The following ACTC1 variants were observed in gnomAD, a reference collection of about 807,000 sequenced individuals.
ACTC1 encodes the protein actin alpha cardiac muscle 1, also known as actin, alpha cardiac muscle 1.
In ACTC1, 10 loss-of-function variants were observed where a neutral mutation model predicts 31.6. The observed-to-expected ratio is 0.32, with a 90% CI of 0.19 to 0.54. The LOEUF is 0.54. Among genes scored for constraint, ACTC1 ranks in the 20% least tolerant of loss-of-function variants. The pLI is 0.95. For synonymous variants in ACTC1, 196 were observed against 185.0 expected (o/e 1.06, Z -0.48); for missense variants, 129 against 506.4 (o/e 0.25, Z 7.15).
chr15:34,792,247 C>T lies in ACTC1; in HGVS notation c.651G>A (p.Lys217=), dbSNP rs763905846. The T allele has an allele frequency of 6.2e-7, 1 of 1,614,236 alleles. No individual in the cohort carries two copies. ...EREIVRDIKE[K]LCYVALDFEN... Reference sequence around the variant, plus strand: ...CAAAATCCAGGGCGACATAGCACAGCTTCTCTTTAATGTCACGGACAATTT... The same window carrying T: ...CAAAATCCAGGGCGACATAGCACAGTTTCTCTTTAATGTCACGGACAATTT... The change falls in exon 5 of 7, where the codon AAG becomes AAA. Residue 217 remains lysine (K), a synonymous_variant. Coordinates refer to ENST00000290378, the MANE Select transcript of ACTC1 (RefSeq NM_005159.5). The surrounding 1 kb of genome is among the most constrained non-coding windows in gnomAD (Gnocchi z 5.3).
rs780634156 is a variant in ACTC1 at position 34,793,363 on chromosome 15, C to A, written c.336G>T (p.Leu112=). 1.9e-6 allele frequency: 3 copies of A among 1,614,156 alleles called. No individual in the cohort carries two copies. In the Admixed American group the frequency reaches 5.0e-5, roughly 27 times the overall value. ...EHPTLLTEAP[L]NPKANREKMT... ...TCTTCTCCCGGTTGGCCTTGGGGTT[C>A]AGCGGGGCCTCTGTGAGCAGGGTGG... is the stretch of plus-strand genomic sequence containing the variant. The change falls in exon 3 of 7, where the codon CTG becomes CTT. Residue 112 remains leucine (L), a synonymous_variant. Coordinates refer to ENST00000290378, the MANE Select transcript of ACTC1 (RefSeq NM_005159.5). The surrounding 1 kb of genome is among the most constrained non-coding windows in gnomAD (Gnocchi z 4.8).
At chr15:34,791,837 G>A (rs766427605) in intron 5 of ACTC1, 11 of 509,450 alleles carry the variant, frequency 2.2e-5, no homozygotes, top group African/African-American at 7.7e-5. Context: ...CTGCAGATAC[G>A]TGCTATTCAG....
chr15:34,794,483 C>T (rs1891772708), intron 2 of ACTC1, among the ~76,000 whole-genome samples, 197 bp downstream of exon 2: 1 of 152,176 alleles, frequency 6.6e-6, no homozygotes, highest in Admixed American at 6.5e-5. Context: ...TAGAGGCGTG[C>T]CACTCAGGTG....
Position 34,793,935 on chromosome 15 carries a change from T to C in ACTC1, c.130-366A>G, listed in dbSNP as rs1891759624. Among the ~76,000 whole-genome samples, 1 of 152,234 alleles carries C rather than the reference T, an allele frequency of 6.6e-6. No homozygotes were observed. The highest frequency in any genetic ancestry group is 2.4e-5 in the African/African-American group (1 of 41,464). On this transcript the variant is annotated intron_variant, in intron 2 of 6. Coordinates refer to ENST00000290378, the MANE Select transcript of ACTC1 (RefSeq NM_005159.5). This position sits in a 1 kb window ranked among gnomAD's most constrained non-coding sequence, Gnocchi z 4.8. ...CTGCATTTTGGAATGACTGAATTAATGACACATTGTATTTCTCCTAAGAAA... is the reference window on the plus strand; with the variant it reads ...CTGCATTTTGGAATGACTGAATTAACGACACATTGTATTTCTCCTAAGAAA...
rs1270699898 is a variant in ACTC1 at position 34,793,496 on chromosome 15, G to T, written c.203C>A (p.Thr68Asn). 1 of 1,614,102 alleles carries T rather than the reference G, an allele frequency of 6.2e-7. No individual in the cohort carries two copies. The highest frequency in any genetic ancestry group is 8.5e-7 in the Non-Finnish European group (1 of 1,180,024). Residue 68 changes from threonine (T) to asparagine (N), a missense_variant, in exon 3 of 7, where the codon ACC (threonine) becomes AAC (asparagine). Physicochemically the swap from Thr to Asn is moderately conservative, Grantham distance 65 (BLOSUM62 0). Transcript: ENST00000290378. This position sits in a 1 kb window ranked among gnomAD's most constrained non-coding sequence, Gnocchi z 4.8. ...DEAQSKRGIL[T>N]LKYPIEHGII... ...ACCATGCTCGATGGGATACTTCAGG[G>T]TCAGGATGCCTCTCTTGCTCTGGGC... is the stretch of plus-strand genomic sequence containing the variant.
rs1891735338 is a variant in ACTC1 at position 34,792,906 on chromosome 15, G to C, written c.455-337C>G. Reference sequence around the variant, plus strand: ...GAACTTACACGTTTCTCTCTCTTTTGACTCAGACCCTGTATGGAATGTATT... The same window carrying C: ...GAACTTACACGTTTCTCTCTCTTTTCACTCAGACCCTGTATGGAATGTATT... On this transcript the variant is annotated intron_variant, in intron 3 of 6. Coordinates refer to ENST00000290378, the MANE Select transcript of ACTC1 (RefSeq NM_005159.5). This position sits in a 1 kb window ranked among gnomAD's most constrained non-coding sequence, Gnocchi z 5.3. 1 of 506,944 alleles carries C rather than the reference G, an allele frequency of 2.0e-6. No homozygotes were observed. The highest frequency in any genetic ancestry group is 3.6e-6 in the Non-Finnish European group (1 of 280,072). The allele number at this position is 506,944 out of a possible 1,614,324, so 31.4% of individuals were successfully genotyped here.
Position 34,792,707 on chromosome 15 carries a change from C to T in ACTC1, c.455-138G>A. ...GATCCAGATAAAATTAGATTCCTTA[C>T]ACACAAAGAATAAAAATGCGCATCA... On this transcript the variant is annotated intron_variant, in intron 3 of 6. Transcript: ENST00000290378. This position sits in a 1 kb window ranked among gnomAD's most constrained non-coding sequence, Gnocchi z 5.3. The T allele has an allele frequency of 9.0e-6, 8 of 889,118 alleles. No homozygotes were observed. The highest frequency in any genetic ancestry group is 1.3e-5 in the Non-Finnish European group (7 of 551,392). 55.1% of individuals were successfully genotyped at this position (889,118 alleles called of 1,614,324 possible).
At position 34,790,319 on chromosome 15, in the gene ACTC1, G is replaced by C; in HGVS notation, c.*93C>G. 1 of 1,484,530 alleles carries C rather than the reference G, an allele frequency of 6.7e-7. No homozygotes were observed. Among genetic ancestry groups the C allele is most frequent in the Admixed American group, 1.7e-5 (1 of 59,730 alleles). 92.0% of individuals were successfully genotyped at this position (1,484,530 alleles called of 1,614,324 possible). On this transcript the variant is annotated 3_prime_UTR_variant, in exon 7 of 7. Coordinates refer to ENST00000290378, the MANE Select transcript of ACTC1 (RefSeq NM_005159.5). Reference sequence around the variant, plus strand: ...CACGTGTGTAAACAAACTGTACAATGATTGATGAAAGATGAGGGAAGGTGG... The same window carrying C: ...CACGTGTGTAAACAAACTGTACAATCATTGATGAAAGATGAGGGAAGGTGG...
chr15:34,794,581 A>G (rs1368626990), intron 2 of ACTC1, 99 bp downstream of exon 2: 2 of 1,458,300 alleles, frequency 1.4e-6, no homozygotes, highest in Non-Finnish European at 9.1e-7. Context: ...AATTTGGCCT[A>G]AAGAGTTCAT....
At position 34,795,540 on chromosome 15, in the gene ACTC1, A is replaced by G. The variant is rs113178069; in HGVS notation, c.-57T>C. On this transcript the variant is annotated 5_prime_UTR_variant, in exon 1 of 7. Transcript: ENST00000290378. ...GGCGGGTCGGCTCGGCTCCGGCGGC[A>G]GCGGGCTCTGGGTGGCTGGCTCCAG... is the stretch of plus-strand genomic sequence containing the variant. 15,666 of 152,206 alleles carry G rather than the reference A, an allele frequency of 0.1. 933 individuals carry two copies. The highest frequency in any genetic ancestry group is 0.14 in the African/African-American group (5,870 of 41,190). 9.4% of individuals were successfully genotyped at this position (152,206 alleles called of 1,614,324 possible). A position where few individuals can be genotyped will look rare whatever the true frequency, so the allele number is the denominator to read the frequency against.
At position 34,794,656 on chromosome 15, in the gene ACTC1, C is replaced by CG. The variant is rs148433308; in HGVS notation, c.129+23dup. On this transcript the variant is annotated intron_variant, in intron 2 of 6. Transcript: ENST00000290378. ...TGGACTGAAGGGGTCCCGAGTGGGA[C>CG]GGGGGGCTCGGCGGGAAGTTTACCT... is the stretch of plus-strand genomic sequence containing the variant. 4.5e-3 allele frequency: 7,244 copies of CG among 1,607,318 alleles called. 308 individuals carry two copies. In the African/African-American group the frequency reaches 0.085, roughly 19 times the overall value.
chr15:34,792,985 C>T lies in ACTC1; in HGVS notation c.454+260G>A, dbSNP rs1891737675. On this transcript the variant is annotated intron_variant, in intron 3 of 6. Transcript: ENST00000290378. This position sits in a 1 kb window ranked among gnomAD's most constrained non-coding sequence, Gnocchi z 5.3. The stretch of plus-strand genomic sequence containing the variant: ...TGATGGTTTAAACACATAACAATGA[C>T]TGCTGCACTCCAAGCTGCTACACTG... 35 of 558,436 alleles carry T rather than the reference C, an allele frequency of 6.3e-5. No homozygotes were observed. In the South Asian group the frequency reaches 7.4e-4, roughly 12 times the overall value. 34.6% of individuals were successfully genotyped at this position (558,436 alleles called of 1,614,324 possible). A position where few individuals can be genotyped will look rare whatever the true frequency, so the allele number is the denominator to read the frequency against.
chr15:34,794,482 G>A (rs1440131982), intron 2 of ACTC1, among the ~76,000 whole-genome samples, 198 bp downstream of exon 2: 1 of 152,210 alleles, frequency 6.6e-6, no homozygotes, highest in Non-Finnish European at 1.5e-5. Flanking sequence ...TTAGAGGCGT[G>A]CCACTCAGGT....
At position 34,792,965 on chromosome 15, in the gene ACTC1, G is replaced by T. The variant is rs1891736876; in HGVS notation, c.454+280C>A. ...GGATGCTTGCCCAGGTGATGTGATG[G>T]TTTAAACACATAACAATGACTGCTG... On this transcript the variant is annotated intron_variant, in intron 3 of 6. Coordinates refer to ENST00000290378, the MANE Select transcript of ACTC1 (RefSeq NM_005159.5). This position sits in a 1 kb window ranked among gnomAD's most constrained non-coding sequence, Gnocchi z 5.3. The T allele has an allele frequency of 3.7e-6, 2 of 540,272 alleles. No individual in the cohort carries two copies. Among genetic ancestry groups the T allele is most frequent in the Admixed American group, 6.3e-5 (2 of 31,782 alleles). 33.5% of individuals were successfully genotyped at this position (540,272 alleles called of 1,614,324 possible).
At chr15:34,791,375 G>A in intron 5 of ACTC1, 80 bp from the exon 6 acceptor site, 1 of 1,553,434 alleles carries the variant, frequency 6.4e-7, no homozygotes, top group Non-Finnish European at 8.8e-7. Context: ...TCAGGTCAAG[G>A]TAGAGGGAAG....
intron 6 of ACTC1, 70 bp from the exon 7 acceptor site, chr15:34,790,625 G>A: frequency 6.3e-7 from 1 of 1,578,498 alleles, no homozygotes; most frequent in Non-Finnish European, 8.7e-7. Context: ...AACACATTGG[G>A]AGGATTCACA....
Position 34,793,206 on chromosome 15 carries a change from A to C in ACTC1, c.454+39T>G, listed in dbSNP as rs1165070625. The C allele has an allele frequency of 3.1e-6, 5 of 1,596,392 alleles. No homozygotes were observed. In the South Asian group the frequency reaches 5.5e-5, roughly 18 times the overall value. On this transcript the variant is annotated intron_variant, in intron 3 of 6. Coordinates refer to ENST00000290378, the MANE Select transcript of ACTC1 (RefSeq NM_005159.5). The surrounding 1 kb of genome is among the most constrained non-coding windows in gnomAD (Gnocchi z 4.8). Reference sequence around the variant, plus strand: ...TCACAGCAAGGTCGGTGACTTGGGAATGTGATTCATCAGTAACTGTCCCCA... The same window carrying C: ...TCACAGCAAGGTCGGTGACTTGGGACTGTGATTCATCAGTAACTGTCCCCA...
At chr15:34,791,435 C>A in intron 5 of ACTC1, 140 bp from the exon 6 acceptor site, 2 of 1,200,972 alleles carry the variant, frequency 1.7e-6, no homozygotes. Flanking sequence ...GTCTCTGAAA[C>A]ATATGTTCCC....
rs1469289278 is a variant in ACTC1, at chr15:34,792,184, C to T, written c.714G>A (p.Leu238=). 3.1e-6 allele frequency: 5 copies of T among 1,614,216 alleles called. No individual in the cohort carries two copies. The South Asian group carries it at 3.3e-5, about 11-fold the overall frequency. Residue 238 remains leucine (L), a synonymous_variant, in exon 5 of 7, where the codon CTG becomes CTA. Coordinates refer to ENST00000290378, the MANE Select transcript of ACTC1 (RefSeq NM_005159.5). The surrounding 1 kb of genome is among the most constrained non-coding windows in gnomAD (Gnocchi z 5.3). Reference sequence around the variant, plus strand: ...CATCAGGCAGTTCATAGCTCTTCTCCAGGGAGGAGGAAGAGGCAGCTGTGG... The same window carrying T: ...CATCAGGCAGTTCATAGCTCTTCTCTAGGGAGGAGGAAGAGGCAGCTGTGG... ...EMATAASSSS[L]EKSYELPDGQ... is the part of the protein sequence containing the mutation.
Sources: allele counts gnomAD v4.1 joint callset (sites outside exome capture counted in the v4.1 genomes callset), GRCh38; gene constraint gnomAD v4.1.1; non-coding constraint Gnocchi (gnomAD v3.1); transcripts MANE v1.5; gene names NCBI Gene and HGNC (gene_info 2026-07-23, HGNC 2026-07-21).